LAMC1: variants seen among roughly 807,000 people sequenced by gnomAD.
The protein encoded by LAMC1 is laminin subunit gamma-1.
LAMC1 carries 38 observed loss-of-function variants against 173.6 expected under a neutral mutation model. That is an observed-to-expected ratio of 0.22 (90% CI 0.17 to 0.29). The LOEUF is 0.29. LAMC1 is among the 10% of genes least tolerant of loss of function. The pLI is 1.00. For missense variants in LAMC1, 1,824 were observed against 2,051.8 expected, an observed-to-expected ratio of 0.89 and a Z score of 2.14; for synonymous variants, 746 against 749.1, an observed-to-expected ratio of 1.00 and a Z score of 0.07.
rs564226875 is a variant in LAMC1, at chr1:183,026,406, TC to T, written c.418+2281del. Among the ~76,000 whole-genome samples, 195 of 149,400 alleles carry T rather than the reference TC, an allele frequency of 1.3e-3. 1 individual carries two copies. Among genetic ancestry groups the T allele is most frequent in the African/African-American group, 3.0e-3 (123 of 40,644 alleles). ...GAGGTTGAGGTTTCTCTTTCTGTCC[TC>T]CCCCCCCCTTTAATGACAAGGTTAT... On this transcript the variant is annotated intron_variant, in intron 1 of 27. Transcript: ENST00000258341.
intron 1 of LAMC1, among the ~76,000 whole-genome samples, chr1:183,041,364 T>C (rs754487604): frequency 3.0e-4 from 45 of 152,340 alleles, no homozygotes; most frequent in Admixed American, 5.2e-4. Context: ...TTCCTTTGGC[T>C]ACTTCCTAAT....
rs1656484983 is a variant in LAMC1 at position 183,121,888 on chromosome 1, G to A, written c.2156G>A (p.Ser719Asn). 6.2e-7 allele frequency: 1 copy of A among 1,614,220 alleles called. No homozygotes were observed. ...RRETPNLGPY[S>N]PCVLCACNGH... ...GAAACTCCTAATCTTGGACCATACAGTCCATGTGTGCTTTGCGCCTGCAAT... is the reference window on the plus strand; with the variant it reads ...GAAACTCCTAATCTTGGACCATACAATCCATGTGTGCTTTGCGCCTGCAAT... The change falls in exon 12 of 28, where the codon AGT (serine) becomes AAT (asparagine). Residue 719 changes from serine to asparagine, a missense_variant. Coordinates refer to ENST00000258341, the MANE Select transcript of LAMC1 (RefSeq NM_002293.4).
intron 11 of LAMC1, 71 bp from the exon 12 acceptor site, chr1:183,121,652 G>A (rs1217010793): frequency 1.5e-6 from 2 of 1,346,450 alleles, no homozygotes; most frequent in Admixed American, 2.4e-5. Flanking sequence ...TTACTTTTTA[G>A]TGTTACTGAC....
intron 1 of LAMC1, among the ~76,000 whole-genome samples, chr1:183,078,503 A>G (rs1174252440): frequency 6.6e-6 from 1 of 151,372 alleles, no homozygotes; most frequent in African/African-American, 2.4e-5. Context: ...AATGGCATGA[A>G]CCTGGGAGGT....
In LAMC1 at chr1:183,024,124, G is replaced by A. The variant is rs1444600965; in HGVS notation, c.408G>A (p.Thr136=). The part of the protein sequence containing the change: ...GVQYPSSINL[T]LHLGKAFDIT... ...AGTACCCCAGCTCCATCAACCTCAC[G>A]CTGCACCTGGGTAAGCGGTGACAGC... is the stretch of plus-strand genomic sequence containing the variant. Residue 136 remains threonine, a synonymous_variant, in exon 1 of 28, where the codon ACG becomes ACA. Coordinates refer to ENST00000258341, the MANE Select transcript of LAMC1 (RefSeq NM_002293.4). 1.3e-6 allele frequency: 2 copies of A among 1,585,218 alleles called. No homozygotes were observed. Among genetic ancestry groups the A allele is most frequent in the East Asian group, 2.3e-5 (1 of 43,088 alleles).
chr1:183,088,942 A>G (rs1374405337), intron 1 of LAMC1, among the ~76,000 whole-genome samples: 1 of 152,240 alleles, frequency 6.6e-6, no homozygotes, highest in African/African-American at 2.4e-5. Flanking sequence ...GTCCAGACTT[A>G]TGGATGCCTT....
chr1:183,139,633 C>T (rs1657050406), intron 26 of LAMC1, among the ~76,000 whole-genome samples: 1 of 152,130 alleles, frequency 6.6e-6, no homozygotes, highest in Admixed American at 6.5e-5. Context: ...TTACTCAAAA[C>T]TAGGAAAAAC....
At chr1:183,108,529 C>A in intron 3 of LAMC1, 123 bp downstream of exon 3, 2 of 779,048 alleles carry the variant, frequency 2.6e-6, no homozygotes, top group Non-Finnish European at 3.9e-6. Context: ...AGAATAGGAG[C>A]GGCAGTCCTT....
chr1:183,061,142 C>T (rs1654736665), intron 1 of LAMC1, among the ~76,000 whole-genome samples: 1 of 152,160 alleles, frequency 6.6e-6, no homozygotes, highest in South Asian at 2.1e-4. Context: ...CTGAAAACAG[C>T]AAACCACAAA....
intron 1 of LAMC1, among the ~76,000 whole-genome samples, chr1:183,041,909 G>T (rs939521635): frequency 6.6e-6 from 1 of 152,152 alleles, no homozygotes; most frequent in Non-Finnish European, 1.5e-5. Context: ...ATGAGTGCAA[G>T]AAACAGCAAT....
intron 1 of LAMC1, among the ~76,000 whole-genome samples, chr1:183,050,936 A>T (rs936676747): frequency 6.0e-5 from 9 of 150,888 alleles, no homozygotes; most frequent in Non-Finnish European, 1.2e-4. Flanking sequence ...AAAGACGTGG[A>T]TATTTTTAAG....
At chr1:183,094,016 G>T (rs1655631628) in intron 1 of LAMC1, among the ~76,000 whole-genome samples, 1 of 152,130 alleles carries the variant, frequency 6.6e-6, no homozygotes, top group Admixed American at 6.6e-5. Flanking sequence ...TCTCCAGTGG[G>T]TTCTCATCTT....
At chr1:183,130,693 C>T in intron 19 of LAMC1, 144 bp downstream of exon 19, 2 of 640,846 alleles carry the variant, frequency 3.1e-6, no homozygotes, top group South Asian at 3.9e-5. Flanking sequence ...GCAGAAAAGC[C>T]ACATTGCTCA....
chr1:183,135,168 T>TGA lies in LAMC1; in HGVS notation c.4114+15_4114+16dup. ...CAACAACCTGAAAGGTAGAAAAGGC[T>TGA]GAGATAACAGGGGCAAATGCTTCCG... On this transcript the variant is annotated intron_variant, in intron 24 of 27. Coordinates refer to ENST00000258341, the MANE Select transcript of LAMC1 (RefSeq NM_002293.4). 6.4e-7 allele frequency: 1 copy of TGA among 1,555,084 alleles called. No individual in the cohort carries two copies. The highest frequency in any genetic ancestry group is 1.1e-5 in the South Asian group (1 of 89,534).
At chr1:183,133,186 C>T (rs971816108) in intron 21 of LAMC1, among the ~76,000 whole-genome samples, 1 of 152,180 alleles carries the variant, frequency 6.6e-6, no homozygotes, top group Non-Finnish European at 1.5e-5. Context: ...GCTGGGATTA[C>T]AGGCGTGAGC....
At chr1:183,057,633 C>T (rs570877633) in intron 1 of LAMC1, among the ~76,000 whole-genome samples, 8 of 152,078 alleles carry the variant, frequency 5.3e-5, no homozygotes, top group African/African-American at 4.8e-5. Flanking sequence ...TGATGGTGGG[C>T]GCCTGTAATC....
intron 1 of LAMC1, among the ~76,000 whole-genome samples, chr1:183,026,951 T>C (rs1208902771): frequency 6.6e-6 from 1 of 152,196 alleles, no homozygotes; most frequent in African/African-American, 2.4e-5. Flanking sequence ...AGACCACCCT[T>C]CACAATTTCT....
At chr1:183,058,113 T>G (rs1246643174) in intron 1 of LAMC1, among the ~76,000 whole-genome samples, 1 of 152,226 alleles carries the variant, frequency 6.6e-6, no homozygotes, top group African/African-American at 2.4e-5. Context: ...GATGTAGTTT[T>G]CTAAAAGTTC....
chr1:183,062,577 A>G (rs1654768848), intron 1 of LAMC1, among the ~76,000 whole-genome samples: 1 of 152,166 alleles, frequency 6.6e-6, no homozygotes, highest in Non-Finnish European at 1.5e-5. Flanking sequence ...ACTTGAACCC[A>G]GGAGGTGGAG....
Sources: gnomAD v4.1 joint callset for allele counts (sites outside exome capture counted in the v4.1 genomes callset) on GRCh38, gnomAD v4.1.1 for gene constraint, MANE v1.5 for transcripts, NCBI Gene and HGNC (gene_info 2026-07-23, HGNC 2026-07-21) for gene names.